The following PLIN4 variants were observed in gnomAD, a reference collection of about 807,000 sequenced individuals.
The protein encoded by PLIN4 is perilipin-4.
In PLIN4, 57 loss-of-function variants were observed where a neutral mutation model predicts 52.4. That is an observed-to-expected ratio of 1.09 (90% CI 0.88 to 1.36). The LOEUF is 1.36. Ranked by LOEUF, PLIN4 falls within the 40% of genes most tolerant of loss-of-function variation. The probability of loss-of-function intolerance (pLI) is 0.00; values close to 1 mark genes in which losing one functional copy is unlikely to be tolerated. For synonymous variants in PLIN4, 826 were observed against 785.4 expected (o/e 1.05, Z -0.86); for missense variants, 1,757 against 1,770.3 (o/e 0.99, Z 0.13).
In PLIN4 at chr19:4,502,917, G is replaced by A. The variant is rs572411351; in HGVS notation, c.*1542C>T. ...GTGGCGGGAAGGGACTTCCTGAGCT[G>A]CGGCCCCATGCTTGGTTGGCTGGAC... On this transcript the variant is annotated 3_prime_UTR_variant, in exon 8 of 8. Transcript: ENST00000301286. 6.6e-6 allele frequency: 1 copy of A among 152,330 alleles called. No homozygotes were observed. The highest frequency in any genetic ancestry group is 1.5e-5 in the Non-Finnish European group (1 of 68,118). 9.4% of individuals were successfully genotyped at this position (152,330 alleles called of 1,614,324 possible). A position where few individuals can be genotyped will look rare whatever the true frequency, so the allele number is the denominator to read the frequency against.
Position 4,511,105 on chromosome 19 carries a change from G to A in PLIN4, c.2855C>T (p.Thr952Ile). The A allele has an allele frequency of 6.2e-7, 1 of 1,610,864 alleles. No individual in the cohort carries two copies. Among genetic ancestry groups the A allele is most frequent in the South Asian group, 1.1e-5 (1 of 90,954 alleles). The change falls in exon 5 of 8, where the codon ACA becomes ATA. Residue 952 changes from threonine to isoleucine, a missense_variant. By Grantham distance (89) the Thr-to-Ile change is moderately conservative. This residue lies in a region of PLIN4 where 712 missense variants were observed against 637.1 expected (regional missense o/e 1.12). Coordinates refer to ENST00000301286, the MANE Select transcript of PLIN4 (RefSeq NM_001367868.2). ...AGCGCCACTCAGCACCGTCTTGGCT[G>A]TGTCCACACCTGTCTGGACGGTCCC... ...AKGTVQTGVD[T>I]AKTVLSGAKD...
rs183706868 is a variant in PLIN4 at position 4,512,828 on chromosome 19, C to T, written c.1132G>A (p.Val378Met). Residue 378 changes from valine (V) to methionine (M), a missense_variant, in exon 5 of 8, where the codon GTG becomes ATG. This residue lies in a region of PLIN4 where 99 missense variants were observed against 143.4 expected (regional missense o/e 0.69). Transcript: ENST00000301286. Reference sequence around the variant, plus strand: ...TGGATGGCCTCTTTGGCCAAGTTCACGGCACCGGTCACCCCACTGCAGACA... The same window carrying T: ...TGGATGGCCTCTTTGGCCAAGTTCATGGCACCGGTCACCCCACTGCAGACA... ...NTVCSGVTGA[V>M]NLAKEAIQGG... 9.8e-5 allele frequency: 153 copies of T among 1,562,514 alleles called. 35 individuals are homozygous for T. The African/African-American group carries it at 2.3e-3, about 24-fold the overall frequency.
chr19:4,518,101 C>T lies in PLIN4; in HGVS notation c.51+121G>A, dbSNP rs915955836. The T allele has an allele frequency of 3.4e-6, 3 of 886,906 alleles. No individual in the cohort carries two copies. The African/African-American group carries it at 5.3e-5, about 16-fold the overall frequency. 54.9% of individuals were successfully genotyped at this position (886,906 alleles called of 1,614,324 possible). On this transcript the variant is annotated intron_variant, in intron 2 of 7. Coordinates refer to ENST00000301286, the MANE Select transcript of PLIN4 (RefSeq NM_001367868.2). Reference sequence around the variant, plus strand: ...GGCATCATGGCTCCCAGACCGCCCCCACCAGCCCACCAGGGAAGCACCTCT... The same window carrying T: ...GGCATCATGGCTCCCAGACCGCCCCTACCAGCCCACCAGGGAAGCACCTCT...
chr19:4,506,293 C>G (rs1161893220), intron 6 of PLIN4, among the ~76,000 whole-genome samples: 1 of 152,256 alleles, frequency 6.6e-6, no homozygotes, highest in East Asian at 1.9e-4. Context: ...CATGCCGGGA[C>G]AGTCCTGCCC....
At chr19:4,518,347 C>T in intron 1 of PLIN4, 38 bp downstream of exon 1, 1 of 1,231,764 alleles carries the variant, frequency 8.1e-7, no homozygotes, top group East Asian at 3.2e-5. Flanking sequence ...CATCCCACAC[C>T]CACTCCCCAC....
In PLIN4 at chr19:4,512,717, T is replaced by C; in HGVS notation, c.1243A>G (p.Lys415Glu). The change falls in exon 5 of 8, where the codon AAG (lysine) becomes GAG (glutamate). Residue 415 changes from lysine (K) to glutamate (E), a missense_variant. By Grantham distance (56) the Lys-to-Glu change is moderately conservative. This residue lies in a region of PLIN4 where 439 missense variants were observed against 406.4 expected (regional missense o/e 1.08). Coordinates refer to ENST00000301286, the MANE Select transcript of PLIN4 (RefSeq NM_001367868.2). ...TTCAGCCCAGTTTGCATGGCCCCCTTGGCCACATTCGCTGCCCCTGTGAGC... is the reference window on the plus strand; with the variant it reads ...TTCAGCCCAGTTTGCATGGCCCCCTCGGCCACATTCGCTGCCCCTGTGAGC... ...TGLTGAANVA[K>E]GAMQTGLNTT... 2 of 1,556,900 alleles carry C rather than the reference T, an allele frequency of 1.3e-6. No homozygotes were observed. The highest frequency in any genetic ancestry group is 8.6e-7 in the Non-Finnish European group (1 of 1,157,630).
Position 4,513,721 on chromosome 19 carries a change from G to A in PLIN4, c.259-20C>T, listed in dbSNP as rs748670610. The A allele has an allele frequency of 1.9e-6, 3 of 1,554,120 alleles. No homozygotes were observed. Among genetic ancestry groups the A allele is most frequent in the African/African-American group, 2.7e-5 (2 of 73,632 alleles). On this transcript the variant is annotated intron_variant, in intron 4 of 7. Coordinates refer to ENST00000301286, the MANE Select transcript of PLIN4 (RefSeq NM_001367868.2). The stretch of plus-strand genomic sequence containing the variant: ...CACCATCTGCTGAGAAAGGACACAG[G>A]TGGATCAAGAGAAGGACTGAGAGGT...
chr19:4,506,880 C>G (rs1052841654), intron 6 of PLIN4, among the ~76,000 whole-genome samples: 1 of 152,240 alleles, frequency 6.6e-6, no homozygotes, highest in East Asian at 1.9e-4. Flanking sequence ...GGCACGGCAG[C>G]GACTGTGCAT....
At chr19:4,515,178 G>C (rs1281679997) in intron 4 of PLIN4, among the ~76,000 whole-genome samples, 5 of 148,416 alleles carry the variant, frequency 3.4e-5, no homozygotes, top group Non-Finnish European at 1.5e-5. Flanking sequence ...TGTCTCAAAA[G>C]ATAAAAAAAA....
rs747289766 is a variant in PLIN4 at position 4,517,632 on chromosome 19, G to A, written c.118C>T (p.His40Tyr). The A allele has an allele frequency of 6.2e-6, 10 of 1,609,364 alleles. No homozygotes were observed. The East Asian group carries it at 2.2e-4, about 36-fold the overall frequency. Residue 40 changes from histidine to tyrosine, a missense_variant, in exon 3 of 8, where the codon CAT (histidine) becomes TAT (tyrosine). By Grantham distance (83) the His-to-Tyr change is moderately conservative. Transcript: ENST00000301286. ...GCCGGCCGGGCTCTCGCCGAGCTAT[G>A]TGCGTTGGCCACCAGGTTCCGGGCA... The part of the protein sequence containing the change: ...SSARNLVANA[H>Y]SSARARPAAD...
chr19:4,512,889 G>A lies in PLIN4; in HGVS notation c.1071C>T (p.Asp357=), dbSNP rs1241356366. Residue 357 remains aspartate, a synonymous_variant, in exon 5 of 8, where the codon GAC becomes GAT. Coordinates refer to ENST00000301286, the MANE Select transcript of PLIN4 (RefSeq NM_001367868.2). ...VAKGTIQTGV[D]TTKTVLTGTK... ...TGCCAGTTAGGACAGTCTTGGTGGT[G>A]TCCACGCCGGTCTGGATGGTTCCTT... 3 of 1,572,860 alleles carry A rather than the reference G, an allele frequency of 1.9e-6. No homozygotes were observed. The highest frequency in any genetic ancestry group is 2.2e-5 in the African/African-American group (1 of 45,146).
chr19:4,506,142 A>G (rs1976086018), intron 6 of PLIN4, among the ~76,000 whole-genome samples: 1 of 151,648 alleles, frequency 6.6e-6, no homozygotes, highest in Non-Finnish European at 1.5e-5. Flanking sequence ...AATGAAACCC[A>G]CCTTGGATCA....
intron 2 of PLIN4, 70 bp downstream of exon 2, chr19:4,518,152 G>A: frequency 8.4e-7 from 1 of 1,188,622 alleles, no homozygotes; most frequent in Non-Finnish European, 1.1e-6. Flanking sequence ...CAGGACTGTG[G>A]AGGTCACCTT....
intron 4 of PLIN4, 63 bp downstream of exon 4, chr19:4,516,554 T>C: frequency 1.3e-6 from 2 of 1,532,666 alleles, no homozygotes; most frequent in South Asian, 2.4e-5. Context: ...AACTGAAATG[T>C]CGCAGGAGGG....
rs186410890 is a variant in PLIN4, at chr19:4,508,557, G to A, written c.3702+211C>T. ...GCTGGGGTTACAGGCGTGAGCCACC[G>A]CACCCAGCCTACCCGCTGTCTTTAA... On this transcript the variant is annotated intron_variant, in intron 6 of 7. Transcript: ENST00000301286. 6.4e-3 allele frequency among the ~76,000 whole-genome samples: 980 copies of A among 152,290 alleles called. 4 individuals carry two copies. The highest frequency in any genetic ancestry group is 0.011 in the Non-Finnish European group (731 of 68,022).
At position 4,511,259 on chromosome 19, in the gene PLIN4, C is replaced by T. The variant is rs1321191194; in HGVS notation, c.2701G>A (p.Gly901Arg). Residue 901 changes from glycine to arginine, a missense_variant, in exon 5 of 8, where the codon GGG becomes AGG. This residue lies in a region of PLIN4 where 76 missense variants were observed against 109.1 expected (regional missense o/e 0.70). Transcript: ENST00000301286. ...LTGTKDAVST[G>R]LTGAVNLAKG... ...GCCAAGTTCACAGCCCCTGTGAGCC[C>T]AGTGGACACGGCATCTTTAGTGCCA... 2 of 1,610,738 alleles carry T rather than the reference C, an allele frequency of 1.2e-6. No homozygotes were observed. Among genetic ancestry groups the T allele is most frequent in the East Asian group, 2.2e-5 (1 of 44,662 alleles).
chr19:4,514,146 T>A (rs1599751598), intron 4 of PLIN4, among the ~76,000 whole-genome samples: 1 of 152,170 alleles, frequency 6.6e-6, no homozygotes, highest in African/African-American at 2.4e-5. Context: ...GAGACTAAAT[T>A]GCTTATTAAA....
chr19:4,513,569 C>G lies in PLIN4; in HGVS notation c.391G>C (p.Ala131Pro). The G allele has an allele frequency of 6.2e-7, 1 of 1,606,072 alleles. No individual in the cohort carries two copies. The highest frequency in any genetic ancestry group is 8.5e-7 in the Non-Finnish European group (1 of 1,176,546). ...ACCACCTCCTTGGTGCCCGTAAGTG[C>G]AGACCGAGTGGTGTCCAGGCCTCCC... ...VQGGLDTTRS[A>P]LTGTKEVVSS... The change falls in exon 5 of 8, where the codon GCA becomes CCA. Residue 131 changes from alanine to proline, a missense_variant. By Grantham distance (27) the Ala-to-Pro change is conservative (BLOSUM62 -1). Around this residue, in one of 7 missense-constraint regions of PLIN4, gnomAD observed 332 missense variants for 310.8 expected, o/e 1.07. Coordinates refer to ENST00000301286, the MANE Select transcript of PLIN4 (RefSeq NM_001367868.2).
chr19:4,512,005 C>G lies in PLIN4; in HGVS notation c.1955G>C (p.Gly652Ala), dbSNP rs764605698. ...VNVAKGAVQT[G>A]LKTTQNIATG... ...CGCGATATTTTGGGTCGTTTTCAGC[C>G]CAGTTTGCACAGCCCCCTTGGCCAC... is the stretch of plus-strand genomic sequence containing the variant. The change falls in exon 5 of 8, where the codon GGG (glycine) becomes GCG (alanine). Residue 652 changes from glycine to alanine, a missense_variant. By Grantham distance (60) the Gly-to-Ala change is moderately conservative (BLOSUM62 0). Transcript: ENST00000301286. 5 of 1,609,464 alleles carry G rather than the reference C, an allele frequency of 3.1e-6. No individual in the cohort carries two copies. The Admixed American group carries it at 8.4e-5, about 27-fold the overall frequency.
Sources: allele counts gnomAD v4.1 joint callset (sites outside exome capture counted in the v4.1 genomes callset), GRCh38; gene constraint gnomAD v4.1.1; regional missense constraint gnomAD v4.1.1; transcripts MANE v1.5; gene names NCBI Gene and HGNC (gene_info 2026-07-23, HGNC 2026-07-21).